The following GLMN variants were observed in gnomAD, a reference collection of about 807,000 sequenced individuals.
The protein encoded by GLMN is glomulin.
In GLMN, 75 loss-of-function variants were observed where a neutral mutation model predicts 87.8. That is an observed-to-expected ratio of 0.85 (90% CI 0.71 to 1.04). The LOEUF (loss-of-function observed/expected upper bound fraction) is 1.04. Ranked by LOEUF, GLMN falls within the 50% of genes least tolerant of loss-of-function variation. The pLI, the probability that GLMN is intolerant of heterozygous loss-of-function variation, is 0.00. For synonymous variants in GLMN, 206 were observed against 221.6 expected, an observed-to-expected ratio of 0.93 and a Z score of 0.63; for missense variants, 588 against 658.8, an observed-to-expected ratio of 0.89 and a Z score of 1.18.
In GLMN at chr1:92,255,462, T is replaced by G. The variant is rs538956961; in HGVS notation, c.1473+7401A>C. 8.1e-4 allele frequency among the ~76,000 whole-genome samples: 123 copies of G among 152,322 alleles called. 1 individual carries two copies. Among genetic ancestry groups the G allele is most frequent in the African/African-American group, 2.8e-3 (118 of 41,570 alleles). ...CAAATCAACAGAAGATACATTCTTCTCAGCACCACACAGCACTTATTCTAA... is the reference window on the plus strand; with the variant it reads ...CAAATCAACAGAAGATACATTCTTCGCAGCACCACACAGCACTTATTCTAA... On this transcript the variant is annotated intron_variant, in intron 16 of 18. Coordinates refer to ENST00000370360, the MANE Select transcript of GLMN (RefSeq NM_053274.3).
chr1:92,271,642 GATAAA>G lies in GLMN; in HGVS notation c.741_745del (p.Leu248SerfsTer12), dbSNP rs751432436. 1.9e-6 allele frequency: 3 copies of G among 1,609,970 alleles called. No homozygotes were observed. In the Admixed American group the frequency reaches 5.0e-5, roughly 27 times the overall value. ...TTTGGGGAAAGGGTGTCCAATTGCT[GATAAA>G]AAACCCTATGAAATGGATAAAAAAG... On this transcript the variant is annotated frameshift_variant, in exon 8 of 19. Transcript: ENST00000370360. LOFTEE classifies it high-confidence loss of function.
At chr1:92,343,830 G>C in the GLMN span, among the ~76,000 whole-genome samples, 1 of 152,138 alleles carries the variant, frequency 6.6e-6, no homozygotes, top group South Asian at 2.1e-4. Context: ...GGGAGGTAGA[G>C]GGCAAGTTGT....
chr1:92,326,680 T>C, the GLMN span, among the ~76,000 whole-genome samples: 1 of 152,170 alleles, frequency 6.6e-6, no homozygotes, highest in Non-Finnish European at 1.5e-5. Context: ...AGTGGAGCTA[T>C]TCCAGGAAGA....
chr1:92,266,566 G>C, intron 12 of GLMN, 74 bp from the exon 13 acceptor site: 5 of 1,024,344 alleles, frequency 4.9e-6, no homozygotes, highest in Non-Finnish European at 7.6e-6. Context: ...TCCATTTTAT[G>C]CATGTAATAC....
the GLMN span, among the ~76,000 whole-genome samples, chr1:92,342,263 T>A: frequency 6.6e-6 from 1 of 152,222 alleles, no homozygotes; most frequent in Non-Finnish European, 1.5e-5. Flanking sequence ...GCAAGCTGTG[T>A]TGCTGTCTGT....
the GLMN span, among the ~76,000 whole-genome samples, chr1:92,327,337 C>T: frequency 6.6e-6 from 1 of 152,132 alleles, no homozygotes; most frequent in Non-Finnish European, 1.5e-5. Flanking sequence ...AATTTGGGAG[C>T]TCCAGGTTTA....
chr1:92,299,047 T>TCC, upstream of GLMN: 1 of 1,374,812 alleles, frequency 7.3e-7, no homozygotes, highest in Non-Finnish European at 9.8e-7. Flanking sequence ...CCGGAGCGTG[T>TCC]CCCCGTCCGG....
At chr1:92,367,211 G>A in the GLMN span, among the ~76,000 whole-genome samples, 1 of 152,128 alleles carries the variant, frequency 6.6e-6, no homozygotes, top group Admixed American at 6.5e-5. Context: ...AAACACATTT[G>A]GGAAAATTAA....
At chr1:92,344,372 T>G in the GLMN span, among the ~76,000 whole-genome samples, 2 of 152,154 alleles carry the variant, frequency 1.3e-5, no homozygotes, top group South Asian at 4.1e-4. Context: ...GCCACTGCAC[T>G]CCAGCCTGGG....
the GLMN span, among the ~76,000 whole-genome samples, chr1:92,327,038 T>C: frequency 3.3e-5 from 5 of 152,260 alleles, no homozygotes; most frequent in South Asian, 1.0e-3. Context: ...TCGGAGACTG[T>C]TCCATGTGCT....
At chr1:92,338,715 A>G in the GLMN span, among the ~76,000 whole-genome samples, 1 of 148,812 alleles carries the variant, frequency 6.7e-6, no homozygotes, top group South Asian at 2.1e-4. Flanking sequence ...CAGTGATGCG[A>G]TCATGGCTCA....
At position 92,269,745 on chromosome 1, in the gene GLMN, G is replaced by GC. The variant is rs1170452613; in HGVS notation, c.954dup (p.His319AlafsTer3). 6.2e-7 allele frequency: 1 copy of GC among 1,608,018 alleles called. No homozygotes were observed. Among genetic ancestry groups the GC allele is most frequent in the Non-Finnish European group, 8.5e-7 (1 of 1,174,858 alleles). On this transcript the variant is annotated frameshift_variant, in exon 9 of 19. Transcript: ENST00000370360. LOFTEE classifies it high-confidence loss of function. ...TACCTTTGCAAAAAGACTTCAATGTGCCCCATATTAAACTGCAAAAGGTAC... is the reference window on the plus strand; with the variant it reads ...TACCTTTGCAAAAAGACTTCAATGTGCCCCCATATTAAACTGCAAAAGGTAC...
upstream of GLMN, among the ~76,000 whole-genome samples, chr1:92,303,317 AC>A (rs1650991358): frequency 6.6e-6 from 1 of 152,226 alleles, no homozygotes. Flanking sequence ...CATAAAACTT[AC>A]ATCACTCTCA....
At chr1:92,307,044 A>G in the GLMN span, 1 of 607,314 alleles carries the variant, frequency 1.6e-6, no homozygotes, top group African/African-American at 1.9e-5. Context: ...TCAAAGGTTC[A>G]GTATCTTATT....
the GLMN span, among the ~76,000 whole-genome samples, chr1:92,305,415 A>G: frequency 7.6e-6 from 1 of 131,802 alleles, no homozygotes; most frequent in Non-Finnish European, 1.6e-5. Flanking sequence ...CCGGGGCAAC[A>G]GAGTGAGGCT....
At chr1:92,284,615 A>G (rs1003144518) in intron 7 of GLMN, among the ~76,000 whole-genome samples, 1 of 152,228 alleles carries the variant, frequency 6.6e-6, no homozygotes, top group Non-Finnish European at 1.5e-5. Context: ...GCCAAAATAG[A>G]CAAATGGGAT....
chr1:92,336,476 T>C, the GLMN span: 1 of 1,300,142 alleles, frequency 7.7e-7, no homozygotes, highest in Non-Finnish European at 1.1e-6. Context: ...TGACTTTATT[T>C]ATTGCCTTGC....
At chr1:92,302,590 A>ATTTTTTTTTTTTTTT (rs36067595), upstream of GLMN, among the ~76,000 whole-genome samples, 5 of 74,338 alleles carry the variant, frequency 6.7e-5, 1 homozygote, top group Non-Finnish European at 1.2e-4. Context: ...TCCGCATTAA[A>ATTTTTTTTTTTTTTT]TTTTTTTTTT....
At chr1:92,254,539 C>T (rs553588354) in intron 16 of GLMN, among the ~76,000 whole-genome samples, 286 of 152,274 alleles carry the variant, frequency 1.9e-3, no homozygotes, top group African/African-American at 6.4e-3. Flanking sequence ...TTACCCACAA[C>T]GGGAAGCCCA....
Sources: allele counts gnomAD v4.1 joint callset (sites outside exome capture counted in the v4.1 genomes callset), GRCh38; gene constraint gnomAD v4.1.1; transcripts MANE v1.5; gene names NCBI Gene and HGNC (gene_info 2026-07-23, HGNC 2026-07-21).